Variants in TEX9 observed in about 807,000 individuals in gnomAD.
TEX9 encodes testis-expressed protein 9.
TEX9 carries 74 observed loss-of-function variants against 59.6 expected under a neutral mutation model. That is an observed-to-expected ratio of 1.24 (90% confidence interval 1.03 to 1.51). The LOEUF is 1.51. TEX9 is among the 40% of genes most tolerant of loss of function. The pLI is 0.00. For synonymous variants in TEX9, 186 were observed against 152.2 expected, an observed-to-expected ratio of 1.22 and a Z score of -1.64; for missense variants, 522 against 447.8, an observed-to-expected ratio of 1.17 and a Z score of -1.49.
intron 1 of TEX9, among the ~76,000 whole-genome samples, chr15:56,309,846 A>T (rs2045569488): frequency 6.6e-6 from 1 of 151,672 alleles, no homozygotes; most frequent in African/African-American, 2.4e-5. Flanking sequence ...TGGGAGGGGA[A>T]ATAGTGAGAG....
At chr15:56,365,587 C>T (rs745823221) in exon 2 of TEX9, 3 of 1,614,194 alleles carry the variant, frequency 1.9e-6, no homozygotes, top group Non-Finnish European at 1.7e-6. Flanking sequence ...AGAGAAGCAG[C>T]GTTCCAGGGA....
In TEX9 at chr15:56,420,051, G is replaced by T. The variant is rs552444858; in HGVS notation, c.964-7554G>T. Among the ~76,000 whole-genome samples the T allele has an allele frequency of 2.0e-5, 3 of 151,212 alleles. No homozygotes were observed. The East Asian group carries it at 5.8e-4, about 29-fold the overall frequency. On this transcript the variant is annotated intron_variant, in intron 10 of 12. Coordinates refer to ENST00000352903, the Ensembl canonical transcript of TEX9. The stretch of plus-strand genomic sequence containing the variant: ...TTCGTTTATGTTGTCAAATTTACTG[G>T]CATACAGTTTTTTACACTAGTTCCT...
At chr15:56,391,164 G>GCATCT in intron 6 of TEX9, 79 bp from the exon 7 acceptor site, 2 of 847,532 alleles carry the variant, frequency 2.4e-6, no homozygotes, top group Non-Finnish European at 3.3e-6. Flanking sequence ...TGGGTAAAAG[G>GCATCT]CATATATCCT....
chr15:56,269,610 T>A (rs2044474270), intron 1 of TEX9, among the ~76,000 whole-genome samples: 1 of 152,076 alleles, frequency 6.6e-6, no homozygotes, highest in African/African-American at 2.4e-5. Flanking sequence ...GGTTGTTCAG[T>A]TTCCATGGAG....
intron 9 of TEX9, chr15:56,395,274 T>C (rs1158651037): frequency 6.1e-6 from 1 of 162,784 alleles, no homozygotes; most frequent in Non-Finnish European, 1.3e-5. Context: ...ATTTTCAAGG[T>C]TCATTCATGT....
At chr15:56,394,810 G>A (rs2048379685) in exon 9 of TEX9, 1 of 1,611,256 alleles carries the variant, frequency 6.2e-7, no homozygotes, top group Non-Finnish European at 8.5e-7. Flanking sequence ...ATGGATTACA[G>A]CAACAGTTGT....
At chr15:56,261,421 A>T (rs2044263245) in intron 1 of TEX9, among the ~76,000 whole-genome samples, 1 of 152,106 alleles carries the variant, frequency 6.6e-6, no homozygotes, top group African/African-American at 2.4e-5. Context: ...AAAAATAATA[A>T]TATAATAATT....
intron 1 of TEX9, among the ~76,000 whole-genome samples, chr15:56,320,777 A>C (rs546242280): frequency 2.0e-5 from 3 of 152,204 alleles, no homozygotes; most frequent in Admixed American, 2.0e-4. Flanking sequence ...ATTACACCTT[A>C]TATCCAGCAT....
At chr15:56,368,240 C>T (rs541075373) in intron 2 of TEX9, among the ~76,000 whole-genome samples, 30 of 151,984 alleles carry the variant, frequency 2.0e-4, no homozygotes, top group Admixed American at 4.6e-4. Flanking sequence ...TTGGTATGTT[C>T]TTTTTCCCTC....
chr15:56,438,285 A>G (rs2050762301), intron 12 of TEX9, among the ~76,000 whole-genome samples: 2 of 152,188 alleles, frequency 1.3e-5, no homozygotes, highest in South Asian at 2.1e-4. Flanking sequence ...CCAATGGAAC[A>G]GAACAGAGCC....
At chr15:56,304,879 T>A (rs1438170713) in intron 1 of TEX9, among the ~76,000 whole-genome samples, 1 of 152,140 alleles carries the variant, frequency 6.6e-6, no homozygotes, top group Non-Finnish European at 1.5e-5. Context: ...TACACCACCA[T>A]GCCCGGTTAA....
At chr15:56,343,173 A>G (rs934722456) in intron 1 of TEX9, among the ~76,000 whole-genome samples, 1 of 152,184 alleles carries the variant, frequency 6.6e-6, no homozygotes, top group Non-Finnish European at 1.5e-5. Context: ...AGAAGTTACT[A>G]TAGAAATTAG....
downstream of TEX9, among the ~76,000 whole-genome samples, chr15:56,446,560 G>A: frequency 6.6e-6 from 1 of 151,712 alleles, no homozygotes; most frequent in South Asian, 2.1e-4. Context: ...AATTTGTACT[G>A]TACTACTTTG....
intron 1 of TEX9, among the ~76,000 whole-genome samples, chr15:56,299,648 G>A (rs184200829): frequency 1.3e-5 from 2 of 152,168 alleles, no homozygotes; most frequent in Non-Finnish European, 2.9e-5. Flanking sequence ...TTGAGGAGAA[G>A]AGAGAGAAGA....
intron 12 of TEX9, chr15:56,434,155 G>T: frequency 6.2e-7 from 1 of 1,611,080 alleles, no homozygotes; most frequent in Non-Finnish European, 8.5e-7. Flanking sequence ...GCAAGGAATT[G>T]TTGGCGACGC....
chr15:56,254,755 A>G (rs1323640237), intron 1 of TEX9, among the ~76,000 whole-genome samples: 1 of 150,984 alleles, frequency 6.6e-6, no homozygotes, highest in African/African-American at 2.4e-5. Flanking sequence ...TAAATTTTAT[A>G]ATTTTAAGAA....
intron 1 of TEX9, among the ~76,000 whole-genome samples, chr15:56,318,143 A>G (rs2045821310): frequency 6.6e-6 from 1 of 151,938 alleles, no homozygotes; most frequent in Non-Finnish European, 1.5e-5. Flanking sequence ...TGCTTTATAT[A>G]TTTTGAAGCT....
chr15:56,391,221 G>A, intron 6 of TEX9, 22 bp from the exon 7 acceptor site: 2 of 1,498,060 alleles, frequency 1.3e-6, no homozygotes, highest in Non-Finnish European at 1.8e-6. Context: ...ACATACATAT[G>A]TATTTAATTT....
intron 12 of TEX9, among the ~76,000 whole-genome samples, chr15:56,445,387 A>G (rs1596263659): frequency 6.6e-6 from 1 of 152,000 alleles, no homozygotes; most frequent in African/African-American, 2.4e-5. Flanking sequence ...TACTGAGGCA[A>G]TTTTTTAAAC....
Sources: gnomAD v4.1 joint callset for allele counts (sites outside exome capture counted in the v4.1 genomes callset) on GRCh38, gnomAD v4.1.1 for gene constraint, MANE v1.5 for transcripts, NCBI Gene and HGNC (gene_info 2026-07-23, HGNC 2026-07-21) for gene names.